Variants in CRTC1 observed in about 807,000 individuals in gnomAD.
CRTC1 encodes CREB-regulated transcription coactivator 1.
In CRTC1, 18 loss-of-function variants were observed where a neutral mutation model predicts 66.1. That is an observed-to-expected ratio of 0.27 (90% CI 0.19 to 0.40). The LOEUF (loss-of-function observed/expected upper bound fraction) is 0.40. Among genes scored for constraint, CRTC1 ranks in the 10% least tolerant of loss-of-function variants. The probability of loss-of-function intolerance (pLI) is 1.00; values close to 1 mark genes in which losing one functional copy is unlikely to be tolerated. For missense variants in CRTC1, 669 were observed against 887.9 expected (o/e 0.75, Z 3.13); for synonymous variants, 416 against 398.8 (o/e 1.04, Z -0.51).
In CRTC1 at chr19:18,774,902, C is replaced by T. The variant is rs778550433; in HGVS notation, c.1428C>T (p.His476=). Residue 476 remains histidine, a splice_region_variant and synonymous_variant, in exon 12 of 14, where the codon CAC becomes CAT. Transcript: ENST00000321949. ...QGFSPGSSPQ[H]TSTLGSVFGD... is the part of the protein sequence containing the mutation. ...GCAGGCCTCTCTTCTGTCTGCAGCA[C>T]ACTTCCACCCTGGGCAGCGTGTTTG... The T allele has an allele frequency of 6.2e-7, 1 of 1,610,900 alleles. No homozygotes were observed. The highest frequency in any genetic ancestry group is 8.5e-7 in the Non-Finnish European group (1 of 1,179,960).
chr19:18,687,728 CT>C (rs2052718731), intron 1 of CRTC1, among the ~76,000 whole-genome samples: 1 of 152,136 alleles, frequency 6.6e-6, no homozygotes, highest in African/African-American at 2.4e-5. Context: ...GTGATGGCAC[CT>C]GAGGTGTCTT....
chr19:18,719,076 G>A (rs140631118), intron 1 of CRTC1, among the ~76,000 whole-genome samples: 1 of 152,304 alleles, frequency 6.6e-6, no homozygotes. Flanking sequence ...GGGGGCTGAC[G>A]ATGGGCCCTG....
chr19:18,753,740 G>T lies in CRTC1; in HGVS notation c.624+155G>T, dbSNP rs7256868. ...TTCCATCTTCAAATTCAGAGAATCT[G>T]TTAGGTCTGTTGATCACTAAGATCA... On this transcript the variant is annotated intron_variant, in intron 6 of 13. Coordinates refer to ENST00000321949, the MANE Select transcript of CRTC1 (RefSeq NM_015321.3). Among the ~76,000 whole-genome samples, 423 of 152,304 alleles carry T rather than the reference G, an allele frequency of 2.8e-3. 1 individual carries two copies. Among genetic ancestry groups the T allele is most frequent in the African/African-American group, 9.7e-3 (405 of 41,558 alleles).
chr19:18,696,110 A>C (rs1028235908), intron 1 of CRTC1, among the ~76,000 whole-genome samples: 1 of 152,106 alleles, frequency 6.6e-6, no homozygotes, highest in Non-Finnish European at 1.5e-5. Context: ...GGGTTTACAG[A>C]GTGGGAGACA....
At position 18,747,029 on chromosome 19, in the gene CRTC1, C is replaced by G. The variant is rs777691214; in HGVS notation, c.382-24C>G. 60 of 1,610,854 alleles carry G rather than the reference C, an allele frequency of 3.7e-5. No individual in the cohort carries two copies. In the East Asian group the frequency reaches 1.2e-3, roughly 32 times the overall value. ...TTGGAGGCGGGGTCTCAGCCAGTGG[C>G]ACTGCCCCCTTAACTCACCTCACGC... On this transcript the variant is annotated intron_variant, in intron 3 of 13. Transcript: ENST00000321949.
chr19:18,703,165 T>C (rs1482109388), intron 1 of CRTC1, among the ~76,000 whole-genome samples: 2 of 152,060 alleles, frequency 1.3e-5, no homozygotes, highest in Non-Finnish European at 2.9e-5. Context: ...TTGTGTGTAT[T>C]TTTAGTAGAG....
At chr19:18,775,079 G>A in intron 12 of CRTC1, 93 bp downstream of exon 12, 1 of 1,279,690 alleles carries the variant, frequency 7.8e-7, no homozygotes, top group Non-Finnish European at 1.1e-6. Flanking sequence ...AGTCAGAGCT[G>A]CACGTGCTCG....
intron 1 of CRTC1, among the ~76,000 whole-genome samples, chr19:18,735,239 G>GCATCCATCA (rs2053972250): frequency 6.6e-6 from 1 of 152,176 alleles, no homozygotes; most frequent in African/African-American, 2.4e-5. Flanking sequence ...GATGCCCCAG[G>GCATCCATCA]GCTGGGCAGA....
chr19:18,710,122 G>A (rs1374150911), intron 1 of CRTC1, among the ~76,000 whole-genome samples: 3 of 151,916 alleles, frequency 2.0e-5, no homozygotes, highest in African/African-American at 7.3e-5. Context: ...TGCCTGGAGT[G>A]CTCTTCCCAG....
chr19:18,768,422 G>A lies in CRTC1; in HGVS notation c.1012-63G>A. On this transcript the variant is annotated intron_variant, in intron 9 of 13. Transcript: ENST00000321949. The surrounding 1 kb of genome is among the most constrained non-coding windows in gnomAD (Gnocchi z 5.6). ...CTGCTGAGCATGCCAGGCTATGGGGGCCCGAGGGGGCCAGGCGCTGACAAC... is the reference window on the plus strand; with the variant it reads ...CTGCTGAGCATGCCAGGCTATGGGGACCCGAGGGGGCCAGGCGCTGACAAC... 2 of 1,426,130 alleles carry A rather than the reference G, an allele frequency of 1.4e-6. No individual in the cohort carries two copies. Among genetic ancestry groups the A allele is most frequent in the Non-Finnish European group, 1.9e-6 (2 of 1,035,734 alleles). The allele number at this position is 1,426,130 out of a possible 1,614,324, so 88.3% of individuals were successfully genotyped here. A position where few individuals can be genotyped will look rare whatever the true frequency, so the allele number is the denominator to read the frequency against.
intron 8 of CRTC1, among the ~76,000 whole-genome samples, chr19:18,763,059 C>T (rs529882382): frequency 2.0e-5 from 3 of 152,164 alleles, no homozygotes; most frequent in Admixed American, 2.0e-4. Context: ...CTTAGACACA[C>T]AAGTCCTTAC....
At chr19:18,756,347 A>AC (rs2054486939) in intron 6 of CRTC1, among the ~76,000 whole-genome samples, 2 of 150,600 alleles carry the variant, frequency 1.3e-5, no homozygotes, top group South Asian at 2.1e-4. Flanking sequence ...AAAAAAAAAA[A>AC]AAAAAAAACT....
intron 1 of CRTC1, among the ~76,000 whole-genome samples, chr19:18,703,320 A>G (rs946717436): frequency 6.6e-6 from 1 of 152,056 alleles, no homozygotes; most frequent in African/African-American, 2.4e-5. Context: ...GGCGTGAGCC[A>G]CCGCTCCTGG....
chr19:18,684,529 G>A (rs1178308379), intron 1 of CRTC1, among the ~76,000 whole-genome samples: 3 of 152,104 alleles, frequency 2.0e-5, no homozygotes, highest in Admixed American at 6.5e-5. Flanking sequence ...TGTCCCCCAG[G>A]GGGTCCAGAG....
intron 2 of CRTC1, among the ~76,000 whole-genome samples, chr19:18,745,222 C>T (rs940513060): frequency 1.3e-5 from 2 of 152,198 alleles, no homozygotes; most frequent in African/African-American, 4.8e-5. Context: ...CTGTACTTGG[C>T]TCTGGTGGTG....
chr19:18,689,857 G>T (rs2052787217), intron 1 of CRTC1, among the ~76,000 whole-genome samples: 1 of 151,776 alleles, frequency 6.6e-6, no homozygotes, highest in African/African-American at 2.4e-5. Context: ...GTGCTGGGGA[G>T]TAGAGTTGCC....
At chr19:18,720,525 GTTT>G (rs35827745) in intron 1 of CRTC1, among the ~76,000 whole-genome samples, 10 of 105,040 alleles carry the variant, frequency 9.5e-5, no homozygotes, top group South Asian at 3.2e-4. Context: ...AATTTTTAGT[GTTT>G]TTTTTTTTTT....
intron 8 of CRTC1, among the ~76,000 whole-genome samples, chr19:18,764,651 G>A (rs1348961240): frequency 6.6e-6 from 1 of 152,218 alleles, no homozygotes. Flanking sequence ...CAGACCCCAG[G>A]GCAGAGAGGG....
chr19:18,730,380 A>G (rs2053859313), intron 1 of CRTC1, among the ~76,000 whole-genome samples: 1 of 151,878 alleles, frequency 6.6e-6, no homozygotes, highest in African/African-American at 2.4e-5. Flanking sequence ...CAGCCCCTGG[A>G]CTTTGGGGTG....
Sources: gnomAD v4.1 joint callset for allele counts (sites outside exome capture counted in the v4.1 genomes callset) on GRCh38, gnomAD v4.1.1 for gene constraint, Gnocchi (gnomAD v3.1) non-coding constraint, MANE v1.5 for transcripts, NCBI Gene and HGNC (gene_info 2026-07-23, HGNC 2026-07-21) for gene names.